Variants in ATP8A2 observed in about 807,000 individuals in gnomAD.
ATP8A2 encodes ATPase phospholipid transporting 8A2, also known as phospholipid-transporting ATPase IB.
ATP8A2 carries 100 observed loss-of-function variants against 165.6 expected under a neutral mutation model. The ratio of observed to expected loss-of-function variants is 0.60; its 90% CI spans 0.51 to 0.71. The LOEUF (loss-of-function observed/expected upper bound fraction) is 0.71. Ranked by LOEUF, ATP8A2 falls within the 30% of genes least tolerant of loss-of-function variation. The pLI, the probability that ATP8A2 is intolerant of heterozygous loss-of-function variation, is 0.00. For missense variants in ATP8A2, 1,227 were observed against 1,479.5 expected (o/e 0.83, Z 2.80); for synonymous variants, 543 against 548.8 (o/e 0.99, Z 0.15).
intron 30 of ATP8A2, 100 bp downstream of exon 30, chr13:25,839,724 T>C (rs1951711583): frequency 1.1e-6 from 1 of 924,016 alleles, no homozygotes; most frequent in East Asian, 2.4e-5. Flanking sequence ...GAACAAGAGA[T>C]CACAGGAACA....
intron 26 of ATP8A2, among the ~76,000 whole-genome samples, chr13:25,769,910 C>A (rs138515768): frequency 6.6e-6 from 1 of 152,240 alleles, no homozygotes; most frequent in East Asian, 1.9e-4. Flanking sequence ...GCACTGGTGG[C>A]CTGAGGATGA....
intron 35 of ATP8A2, among the ~76,000 whole-genome samples, chr13:25,969,668 A>G (rs1408683286): frequency 1.3e-5 from 2 of 152,264 alleles, no homozygotes; most frequent in Admixed American, 1.3e-4. Context: ...AACAGATTTT[A>G]GAAAAGGGAT....
intron 24 of ATP8A2, among the ~76,000 whole-genome samples, chr13:25,637,904 C>T (rs1047231974): frequency 7.2e-5 from 11 of 152,274 alleles, no homozygotes; most frequent in South Asian, 2.1e-4. Flanking sequence ...CCCTCTGAGA[C>T]GAAGCTTCCA....
intron 1 of ATP8A2, among the ~76,000 whole-genome samples, chr13:25,408,251 G>A (rs1423895295): frequency 2.0e-5 from 3 of 152,062 alleles, no homozygotes; most frequent in Non-Finnish European, 4.4e-5. Context: ...AAATTAACCG[G>A]GCATGGTGGC....
At chr13:25,811,202 A>G (rs1209793884) in intron 27 of ATP8A2, among the ~76,000 whole-genome samples, 1 of 152,164 alleles carries the variant, frequency 6.6e-6, no homozygotes, top group African/African-American at 2.4e-5. Context: ...TTTAAAATTG[A>G]TAATTAGTGT....
intron 33 of ATP8A2, among the ~76,000 whole-genome samples, chr13:25,869,171 A>G (rs1952610575): frequency 6.6e-6 from 1 of 152,152 alleles, no homozygotes; most frequent in Non-Finnish European, 1.5e-5. Flanking sequence ...ACAGCCTGTA[A>G]ATATTTGGAT....
intron 25 of ATP8A2, among the ~76,000 whole-genome samples, chr13:25,702,696 A>G (rs1295307741): frequency 1.3e-5 from 2 of 152,196 alleles, no homozygotes; most frequent in Non-Finnish European, 2.9e-5. Flanking sequence ...TCTCACATAC[A>G]TCCCAATTCC....
chr13:25,387,041 T>C (rs1057165760), intron 1 of ATP8A2, among the ~76,000 whole-genome samples: 3 of 152,174 alleles, frequency 2.0e-5, no homozygotes, highest in Non-Finnish European at 4.4e-5. Flanking sequence ...ATTCAGTCAC[T>C]TCTCTCTGGA....
chr13:25,627,536 T>C (rs150073118), intron 24 of ATP8A2, among the ~76,000 whole-genome samples: 1 of 152,292 alleles, frequency 6.6e-6, no homozygotes, highest in African/African-American at 2.4e-5. Flanking sequence ...GATCTCTCTC[T>C]CCACCATCTC....
At position 25,585,688 on chromosome 13, in the gene ATP8A2, C is replaced by T. The variant is rs73483670; in HGVS notation, c.2146+3731C>T. Among the ~76,000 whole-genome samples, 863 of 152,194 alleles carry T rather than the reference C, an allele frequency of 5.7e-3. 7 individuals carry two copies. The highest frequency in any genetic ancestry group is 0.019 in the African/African-American group (807 of 41,520). On this transcript the variant is annotated intron_variant, in intron 23 of 36. Coordinates refer to ENST00000381655, the MANE Select transcript of ATP8A2 (RefSeq NM_016529.6). ...TGAAGTTTAATTTTAGGAAGTGACT[C>T]AATATGTCACTTGCCCCTCCTGTAA...
intron 24 of ATP8A2, among the ~76,000 whole-genome samples, chr13:25,602,364 C>G (rs990684930): frequency 1.3e-5 from 2 of 152,064 alleles, no homozygotes; most frequent in Admixed American, 6.6e-5. Context: ...GAAATGCTCT[C>G]TAATGAGATG....
At chr13:25,648,426 G>A (rs1340032225) in intron 24 of ATP8A2, among the ~76,000 whole-genome samples, 1 of 152,150 alleles carries the variant, frequency 6.6e-6, no homozygotes, top group East Asian at 1.9e-4. Flanking sequence ...AGAACTTTGG[G>A]AGGTCGAGGC....
In ATP8A2 at chr13:26,002,627, C is replaced by T. The variant is rs115775564; in HGVS notation, c.3378-9904C>T. On this transcript the variant is annotated intron_variant, in intron 35 of 36. Transcript: ENST00000381655. ...ATTTTGTACCCTTTGACCAACAGCTCGTCATTCCCTCACTCCTCCACTCTC... is the reference window on the plus strand; with the variant it reads ...ATTTTGTACCCTTTGACCAACAGCTTGTCATTCCCTCACTCCTCCACTCTC... Among the ~76,000 whole-genome samples, 562 of 151,542 alleles carry T rather than the reference C, an allele frequency of 3.7e-3. 4 individuals carry two copies. The highest frequency in any genetic ancestry group is 0.012 in the African/African-American group (495 of 41,246).
intron 24 of ATP8A2, among the ~76,000 whole-genome samples, chr13:25,696,497 A>T (rs2137895636): frequency 6.6e-6 from 1 of 152,348 alleles, no homozygotes; most frequent in South Asian, 2.1e-4. Context: ...TTCATCAATT[A>T]TCTTAGCTAG....
At chr13:25,896,583 A>T (rs1446611264) in intron 33 of ATP8A2, among the ~76,000 whole-genome samples, 1 of 152,140 alleles carries the variant, frequency 6.6e-6, no homozygotes, top group Non-Finnish European at 1.5e-5. Flanking sequence ...ATTCCTGGAT[A>T]TGCTTGTTAA....
At chr13:25,820,949 G>GTT (rs965131348) in intron 27 of ATP8A2, among the ~76,000 whole-genome samples, 3 of 144,730 alleles carry the variant, frequency 2.1e-5, no homozygotes, top group African/African-American at 7.6e-5. Context: ...CTTTGGGTTT[G>GTT]TTTTTTTTTT....
intron 24 of ATP8A2, among the ~76,000 whole-genome samples, chr13:25,669,022 C>G (rs905241112): frequency 6.6e-6 from 1 of 152,042 alleles, no homozygotes; most frequent in Non-Finnish European, 1.5e-5. Context: ...CTAGTAAGCC[C>G]AGTGTTTGAG....
At chr13:25,560,584 C>T (rs1368716620) in intron 15 of ATP8A2, among the ~76,000 whole-genome samples, 1 of 149,876 alleles carries the variant, frequency 6.7e-6, no homozygotes, top group Non-Finnish European at 1.5e-5. Flanking sequence ...CCTGTAATCT[C>T]AGCTACTCGG....
chr13:25,577,161 G>T (rs766564492), intron 20 of ATP8A2, 23 bp downstream of exon 20: 1 of 1,604,344 alleles, frequency 6.2e-7, no homozygotes, highest in Non-Finnish European at 8.5e-7. Flanking sequence ...GAAGCGTTGT[G>T]CGTAGCGGAG....
Sources: gnomAD v4.1 joint callset for allele counts (sites outside exome capture counted in the v4.1 genomes callset) on GRCh38, gnomAD v4.1.1 for gene constraint, MANE v1.5 for transcripts, NCBI Gene and HGNC (gene_info 2026-07-23, HGNC 2026-07-21) for gene names.